Variants in CUL9 observed in about 807,000 individuals in gnomAD.
CUL9 encodes cullin-9.
Under a neutral mutation model 272.6 loss-of-function variants are expected in CUL9, and 79 were observed. The ratio of observed to expected loss-of-function variants is 0.29; its 90% CI spans 0.24 to 0.35. The LOEUF is 0.35. Ranked by LOEUF, CUL9 falls within the 10% of genes least tolerant of loss-of-function variation. The pLI is 1.00. For missense variants in CUL9, 2,532 were observed against 3,255.6 expected, an observed-to-expected ratio of 0.78 and a Z score of 5.41; for synonymous variants, 1,186 against 1,286.5, an observed-to-expected ratio of 0.92 and a Z score of 1.67.
At chr6:43,201,702 A>G (rs1183086172) in intron 16 of CUL9, among the ~76,000 whole-genome samples, 2 of 152,134 alleles carry the variant, frequency 1.3e-5, no homozygotes, top group African/African-American at 2.4e-5. Context: ...GATGGTCTCG[A>G]TCTCCTGACC....
chr6:43,199,446 G>T lies in CUL9; in HGVS notation c.3156+75G>T. ...ACCAACTCCTTGTGAGGCTCTGGAG[G>T]GCACAGCAGAGCCTTTCTGAATGGA... On this transcript the variant is annotated intron_variant, in intron 13 of 40. Transcript: ENST00000252050. The surrounding 1 kb of genome is among the most constrained non-coding windows in gnomAD (Gnocchi z 4.4). The T allele has an allele frequency of 3.5e-6, 4 of 1,158,382 alleles. No homozygotes were observed. The highest frequency in any genetic ancestry group is 5.2e-6 in the Non-Finnish European group (4 of 771,038). The allele number at this position is 1,158,382 out of a possible 1,614,324, so 71.8% of individuals were successfully genotyped here.
chr6:43,196,011 A>G, intron 9 of CUL9, 58 bp from the exon 10 acceptor site: 9 of 1,471,532 alleles, frequency 6.1e-6, no homozygotes, highest in South Asian at 2.5e-5. Flanking sequence ...AATGAGGCCT[A>G]CCTTTCCTCA....
chr6:43,220,994 A>T lies in CUL9; in HGVS notation c.6588+83A>T, dbSNP rs1488879379. ...AATATCCCCACCCCGCCACACACAC[A>T]GACTGTGACTTGTCCTTCCTCAGCC... On this transcript the variant is annotated intron_variant, in intron 33 of 40. Transcript: ENST00000252050. The surrounding 1 kb of genome is among the most constrained non-coding windows in gnomAD (Gnocchi z 4.9). 5.4e-6 allele frequency: 8 copies of T among 1,489,566 alleles called. No homozygotes were observed. The East Asian group carries it at 2.0e-4, about 37-fold the overall frequency. 92.3% of individuals were successfully genotyped at this position (1,489,566 alleles called of 1,614,324 possible). A position where few individuals can be genotyped will look rare whatever the true frequency, so the allele number is the denominator to read the frequency against.
At chr6:43,197,140 G>A (rs932697935) in intron 11 of CUL9, among the ~76,000 whole-genome samples, 2 of 151,952 alleles carry the variant, frequency 1.3e-5, no homozygotes, top group Non-Finnish European at 2.9e-5. Context: ...TCTGCTTCCT[G>A]GGTTCAAGCA....
At position 43,217,708 on chromosome 6, in the gene CUL9, G is replaced by A. The variant is rs373304751; in HGVS notation, c.6282+1205G>A. 1.2e-4 allele frequency among the ~76,000 whole-genome samples: 18 copies of A among 152,252 alleles called. No individual in the cohort carries two copies. The East Asian group carries it at 3.5e-3, about 29-fold the overall frequency. ...TGCTTCTGGCTTCTCCTCTCACATA[G>A]TTGCTTATGCTCCCTTTTCCCCAGG... On this transcript the variant is annotated intron_variant, in intron 31 of 40. Coordinates refer to ENST00000252050, the MANE Select transcript of CUL9 (RefSeq NM_015089.4).
In CUL9 at chr6:43,221,980, G is replaced by A. The variant is rs1439129442; in HGVS notation, c.6846+202G>A. The A allele has an allele frequency of 3.3e-6, 2 of 602,816 alleles. No individual in the cohort carries two copies. Among genetic ancestry groups the A allele is most frequent in the Non-Finnish European group, 5.9e-6 (2 of 341,780 alleles). The allele number at this position is 602,816 out of a possible 1,614,324, so 37.3% of individuals were successfully genotyped here. A position where few individuals can be genotyped will look rare whatever the true frequency, so the allele number is the denominator to read the frequency against. On this transcript the variant is annotated intron_variant, in intron 35 of 40. Transcript: ENST00000252050. This position sits in a 1 kb window ranked among gnomAD's most constrained non-coding sequence, Gnocchi z 4.2. ...CACAGGGACCTTCAGCTCCAGAACA[G>A]GACTTCTCATACCGAGGTGGCTACA...
intron 29 of CUL9, among the ~76,000 whole-genome samples, chr6:43,214,792 T>C (rs552961255): frequency 6.7e-5 from 10 of 150,348 alleles, no homozygotes; most frequent in Admixed American, 1.3e-4. Flanking sequence ...AGTGAGACTG[T>C]TGGGAAAAAA....
chr6:43,189,812 G>A (rs1562017995), intron 8 of CUL9, among the ~76,000 whole-genome samples: 2 of 152,224 alleles, frequency 1.3e-5, no homozygotes, highest in African/African-American at 2.4e-5. Context: ...GGGATTACAG[G>A]TGTGAGCCAC....
At chr6:43,183,950 A>T (rs1772685253) in intron 1 of CUL9, among the ~76,000 whole-genome samples, 1 of 151,934 alleles carries the variant, frequency 6.6e-6, no homozygotes. Flanking sequence ...ACGGGGTTTC[A>T]CTATGTTGAC....
rs980990927 is a variant in CUL9 at position 43,220,901 on chromosome 6, G to A, written c.6578G>A (p.Ser2193Asn). 18 of 1,611,206 alleles carry A rather than the reference G, an allele frequency of 1.1e-5. No homozygotes were observed. The highest frequency in any genetic ancestry group is 1.4e-5 in the Non-Finnish European group (16 of 1,178,778). The change falls in exon 33 of 41, where the codon AGC becomes AAC. Residue 2193 changes from serine to asparagine, a missense_variant. Transcript: ENST00000252050. The surrounding 1 kb of genome is among the most constrained non-coding windows in gnomAD (Gnocchi z 4.9). ...KCGWASCFNCSFPEAHYPASC... is the reference protein window; with the variant it reads ...KCGWASCFNCNFPEAHYPASC... ...GGCTGGGCCTCTTGCTTCAACTGTAGCTTCCCTGAGGTGGGAGCCCCACAC... is the reference window on the plus strand; with the variant it reads ...GGCTGGGCCTCTTGCTTCAACTGTAACTTCCCTGAGGTGGGAGCCCCACAC...
At position 43,203,987 on chromosome 6, in the gene CUL9, G is replaced by A. The variant is rs1774848093; in HGVS notation, c.4159G>A (p.Asp1387Asn). The A allele has an allele frequency of 1.9e-6, 3 of 1,593,584 alleles. No individual in the cohort carries two copies. The highest frequency in any genetic ancestry group is 2.6e-6 in the Non-Finnish European group (3 of 1,166,314). Reference sequence around the variant, plus strand: ...CCTGGTGCAGAACATCACCTCTCCCGGTAACCATGCTGACACCTGGCCCCA... The same window carrying A: ...CCTGGTGCAGAACATCACCTCTCCCAGTAACCATGCTGACACCTGGCCCCA... ...SPLVQNITSP[D>N]AEGVSALGWL... The change falls in exon 20 of 41, where the codon GAT (aspartate) becomes AAT (asparagine). Residue 1387 changes from aspartate to asparagine, a missense_variant and splice_region_variant. Around this residue, in one of 3 missense-constraint regions of CUL9, gnomAD observed 2,218 missense variants for 2,788.6 expected, o/e 0.80. Transcript: ENST00000252050. The surrounding 1 kb of genome is among the most constrained non-coding windows in gnomAD (Gnocchi z 5.0).
chr6:43,214,992 G>GA, intron 29 of CUL9, 87 bp from the exon 30 acceptor site: 2 of 1,464,394 alleles, frequency 1.4e-6, no homozygotes, highest in Non-Finnish European at 9.2e-7. Flanking sequence ...AAAAGGGGGG[G>GA]AAAAATAAGT....
Position 43,224,102 on chromosome 6 carries a change from G to A in CUL9, c.7292G>A (p.Arg2431Gln), listed in dbSNP as rs529028996. Residue 2431 changes from arginine to glutamine, a missense_variant, in exon 40 of 41, where the codon CGG (arginine) becomes CAG (glutamine). Arg to Gln is a conservative substitution (Grantham distance 43, BLOSUM62 1). Transcript: ENST00000252050. The surrounding 1 kb of genome is among the most constrained non-coding windows in gnomAD (Gnocchi z 4.2). Reference sequence around the variant, plus strand: ...CTTCTGTCTGCTCACCAGGATTTCCGGGTTGGTCTTCAGAGTCCATCAGTA... The same window carrying A: ...CTTCTGTCTGCTCACCAGGATTTCCAGGTTGGTCTTCAGAGTCCATCAGTA... ...AILQHSAQDFRVGLQSPSVEA... is the reference protein window; with the variant it reads ...AILQHSAQDFQVGLQSPSVEA... The A allele has an allele frequency of 1.5e-5, 25 of 1,614,182 alleles. No individual in the cohort carries two copies. Among genetic ancestry groups the A allele is most frequent in the South Asian group, 8.8e-5 (8 of 91,078 alleles).
At chr6:43,209,454 A>G (rs1775305163) in intron 26 of CUL9, among the ~76,000 whole-genome samples, 2 of 149,890 alleles carry the variant, frequency 1.3e-5, no homozygotes, top group African/African-American at 4.9e-5. Flanking sequence ...CGGCCATTCT[A>G]ATTTTTTCAA....
chr6:43,209,032 C>G (rs973190944), intron 26 of CUL9, among the ~76,000 whole-genome samples: 13 of 151,914 alleles, frequency 8.6e-5, no homozygotes, highest in Admixed American at 5.9e-4. Flanking sequence ...AACAGAGTTT[C>G]ACTATGTTGG....
chr6:43,224,265 A>G lies in CUL9; in HGVS notation c.7374A>G (p.Ser2458=), dbSNP rs375615330. 5.6e-6 allele frequency: 9 copies of G among 1,614,014 alleles called. No homozygotes were observed. Among genetic ancestry groups the G allele is most frequent in the African/African-American group, 1.3e-5 (1 of 74,942 alleles). ...NMPGSQPQAS[S]GPEAEEEEED... Reference sequence around the variant, plus strand: ...CTCTCCCTAGGCCCCAGGCCTCCTCAGGGCCAGAGGCAGAAGAGGAGGAGG... The same window carrying G: ...CTCTCCCTAGGCCCCAGGCCTCCTCGGGGCCAGAGGCAGAAGAGGAGGAGG... Residue 2458 remains serine (S), a synonymous_variant, in exon 41 of 41, where the codon TCA becomes TCG. Transcript: ENST00000252050. This position sits in a 1 kb window ranked among gnomAD's most constrained non-coding sequence, Gnocchi z 4.2.
Position 43,224,217 on chromosome 6 carries a change from C to T in CUL9, c.7359-33C>T. 1.2e-6 allele frequency: 2 copies of T among 1,614,156 alleles called. No homozygotes were observed. The highest frequency in any genetic ancestry group is 1.7e-6 in the Non-Finnish European group (2 of 1,180,016). The stretch of plus-strand genomic sequence containing the variant: ...GGAGGAGGCAGTGGGACATGGCAGC[C>T]TCCTCTGGGCTGAGTGTGGTGGCTC... On this transcript the variant is annotated intron_variant, in intron 40 of 40. Coordinates refer to ENST00000252050, the MANE Select transcript of CUL9 (RefSeq NM_015089.4). The surrounding 1 kb of genome is among the most constrained non-coding windows in gnomAD (Gnocchi z 4.2).
Position 43,184,955 on chromosome 6 carries a change from A to G in CUL9, c.595+50A>G. ...AAAGGAATGGAGAAAATGGGGCCAC[A>G]GGGAATAAGAAAGAGGAGAGATTTC... On this transcript the variant is annotated intron_variant, in intron 2 of 40. Coordinates refer to ENST00000252050, the MANE Select transcript of CUL9 (RefSeq NM_015089.4). This position sits in a 1 kb window ranked among gnomAD's most constrained non-coding sequence, Gnocchi z 4.8. 2 of 1,381,170 alleles carry G rather than the reference A, an allele frequency of 1.4e-6. No individual in the cohort carries two copies. Among genetic ancestry groups the G allele is most frequent in the Non-Finnish European group, 2.0e-6 (2 of 1,011,974 alleles). The allele number at this position is 1,381,170 out of a possible 1,614,324, so 85.6% of individuals were successfully genotyped here.
intron 9 of CUL9, among the ~76,000 whole-genome samples, chr6:43,193,422 C>T (rs1409899396): frequency 6.6e-6 from 1 of 152,166 alleles, no homozygotes; most frequent in East Asian, 1.9e-4. Flanking sequence ...TTGTTGGAGA[C>T]AGGATCTTGC....
Sources: gnomAD v4.1 joint callset for allele counts (sites outside exome capture counted in the v4.1 genomes callset) on GRCh38, gnomAD v4.1.1 for gene constraint, gnomAD v4.1.1 regional missense constraint, Gnocchi (gnomAD v3.1) non-coding constraint, MANE v1.5 for transcripts, NCBI Gene and HGNC (gene_info 2026-07-23, HGNC 2026-07-21) for gene names.